ZNF521: variants seen among roughly 807,000 people sequenced by gnomAD.
The protein encoded by ZNF521 is LYST-interacting protein 3.
In ZNF521, 14 loss-of-function variants were observed where a neutral mutation model predicts 105.5. The ratio of observed to expected loss-of-function variants is 0.13; its 90% CI spans 0.09 to 0.21. The LOEUF (loss-of-function observed/expected upper bound fraction) is 0.21, where lower values mean the gene tolerates loss of function less well. Ranked by LOEUF, ZNF521 falls within the 10% of genes least tolerant of loss-of-function variation. The pLI is 1.00. For synonymous variants in ZNF521, 635 were observed against 606.0 expected, an observed-to-expected ratio of 1.05 and a Z score of -0.70; for missense variants, 1,233 against 1,629.7, an observed-to-expected ratio of 0.76 and a Z score of 4.19.
chr18:25,253,311 G>A (rs769176063), intron 3 of ZNF521, among the ~76,000 whole-genome samples: 5 of 152,110 alleles, frequency 3.3e-5, no homozygotes, highest in Admixed American at 2.6e-4. Context: ...CTTAACCCCT[G>A]AAGTACAAAT....
intron 7 of ZNF521, among the ~76,000 whole-genome samples, chr18:25,087,640 T>G (rs1376782905): frequency 6.6e-6 from 1 of 152,230 alleles, no homozygotes; most frequent in Non-Finnish European, 1.5e-5. Flanking sequence ...TCAAAATGAC[T>G]TATGCTTTGA....
intron 3 of ZNF521, among the ~76,000 whole-genome samples, chr18:25,301,674 G>T (rs1027987978): frequency 2.0e-5 from 3 of 152,210 alleles, no homozygotes; most frequent in African/African-American, 7.2e-5. Flanking sequence ...TTCCTTCTTA[G>T]AAATTACCAG....
chr18:25,230,917 G>T (rs971481152), intron 3 of ZNF521, among the ~76,000 whole-genome samples: 5 of 152,132 alleles, frequency 3.3e-5, no homozygotes, highest in Admixed American at 3.3e-4. Context: ...AACTGTACTT[G>T]CTGAGTTTCA....
intron 7 of ZNF521, among the ~76,000 whole-genome samples, chr18:25,063,242 C>T (rs1438888751): frequency 6.6e-6 from 1 of 152,192 alleles, no homozygotes; most frequent in Non-Finnish European, 1.5e-5. Flanking sequence ...GAGACTGTAA[C>T]ATCTTGACAA....
At chr18:25,092,745 C>T (rs961861129) in intron 5 of ZNF521, among the ~76,000 whole-genome samples, 1 of 152,158 alleles carries the variant, frequency 6.6e-6, no homozygotes, top group African/African-American at 2.4e-5. Context: ...GACCTCCAGG[C>T]TCACTTGACT....
intron 3 of ZNF521, among the ~76,000 whole-genome samples, chr18:25,233,203 ATT>A (rs1379632078): frequency 1.3e-5 from 2 of 152,180 alleles, no homozygotes; most frequent in East Asian, 3.8e-4. Flanking sequence ...TAAAGCAATG[ATT>A]TAAATTGCTA....
At chr18:25,260,297 T>C (rs1908818226) in intron 3 of ZNF521, among the ~76,000 whole-genome samples, 1 of 152,142 alleles carries the variant, frequency 6.6e-6, no homozygotes, top group South Asian at 2.1e-4. Context: ...CTACCTCTCC[T>C]AAGGTTGGCC....
chr18:25,153,367 C>A (rs773913320), intron 5 of ZNF521, among the ~76,000 whole-genome samples: 1 of 152,178 alleles, frequency 6.6e-6, no homozygotes, highest in Non-Finnish European at 1.5e-5. Context: ...CATGGGGAAG[C>A]CTGTTCTACC....
intron 3 of ZNF521, among the ~76,000 whole-genome samples, chr18:25,278,314 C>T (rs945520410): frequency 2.6e-5 from 4 of 152,140 alleles, no homozygotes; most frequent in African/African-American, 9.7e-5. Flanking sequence ...TGCCTCAGCA[C>T]ATGACAAAGA....
chr18:25,235,996 T>C (rs1452887054), intron 3 of ZNF521, among the ~76,000 whole-genome samples: 1 of 152,212 alleles, frequency 6.6e-6, no homozygotes, highest in Admixed American at 6.5e-5. Flanking sequence ...TGGACATACA[T>C]GTGTCTAACA....
At chr18:25,239,652 A>C (rs1203137466) in intron 3 of ZNF521, among the ~76,000 whole-genome samples, 1 of 152,210 alleles carries the variant, frequency 6.6e-6, no homozygotes, top group African/African-American at 2.4e-5. Context: ...AAATGCCTCA[A>C]GTTTGGACCT....
chr18:25,293,158 T>C (rs1459327459), intron 3 of ZNF521, among the ~76,000 whole-genome samples: 1 of 152,212 alleles, frequency 6.6e-6, no homozygotes, highest in Non-Finnish European at 1.5e-5. Flanking sequence ...GATACCCTGT[T>C]GCTTAGTGAT....
chr18:25,226,627 C>T lies in ZNF521; in HGVS notation c.1291G>A (p.Asp431Asn). The change falls in exon 4 of 8, where the codon GAT becomes AAT. Residue 431 changes from aspartate to asparagine, a missense_variant. Around this residue, in one of 6 missense-constraint regions of ZNF521, gnomAD observed 380 missense variants for 478.0 expected, o/e 0.80. Transcript: ENST00000361524. This position sits in a 1 kb window ranked among gnomAD's most constrained non-coding sequence, Gnocchi z 4.1. Reference protein sequence around the residue: ...LQIHLKTMHLDKPEQAHICQY... With the variant: ...LQIHLKTMHLNKPEQAHICQY... ...CAAATATGGGCCTGTTCTGGCTTAT[C>T]TAAGTGCATAGTTTTCAGGTGAATC... is the stretch of plus-strand genomic sequence containing the variant. 1.2e-6 allele frequency: 2 copies of T among 1,614,160 alleles called. No homozygotes were observed. The highest frequency in any genetic ancestry group is 1.7e-6 in the Non-Finnish European group (2 of 1,180,026).
chr18:25,312,756 A>C (rs1376984502), intron 3 of ZNF521, among the ~76,000 whole-genome samples: 1 of 112,220 alleles, frequency 8.9e-6, no homozygotes, highest in Non-Finnish European at 1.9e-5. Context: ...GCTTGCAGTG[A>C]GCCGAGATTG....
At chr18:25,173,406 C>T (rs1185228182) in intron 5 of ZNF521, among the ~76,000 whole-genome samples, 1 of 152,174 alleles carries the variant, frequency 6.6e-6, no homozygotes, top group Non-Finnish European at 1.5e-5. Flanking sequence ...GCCTTTCTCC[C>T]CTCCAATCCC....
At chr18:25,236,918 T>C (rs911617249) in intron 3 of ZNF521, among the ~76,000 whole-genome samples, 4 of 152,242 alleles carry the variant, frequency 2.6e-5, no homozygotes, top group Non-Finnish European at 5.9e-5. Flanking sequence ...TTTAAATTTA[T>C]AATTTTGCTA....
intron 7 of ZNF521, among the ~76,000 whole-genome samples, chr18:25,070,507 C>T (rs2144121457): frequency 6.6e-6 from 1 of 152,282 alleles, no homozygotes; most frequent in South Asian, 2.1e-4. Flanking sequence ...AAACACATCC[C>T]ATTCACTTGC....
chr18:25,224,635 C>T lies in ZNF521; in HGVS notation c.3283G>A (p.Gly1095Ser), dbSNP rs748944626. ...GCGCTCTTACTGAGATTCACGCAGC[C>T]GGCACACAGACCATATGGCAGGCCA... ...INGLPYGLCA[G>S]CVNLSKSASP... Residue 1095 changes from glycine (G) to serine (S), a missense_variant, in exon 4 of 8, where the codon GGC becomes AGC. Transcript: ENST00000361524. 12 of 1,614,052 alleles carry T rather than the reference C, an allele frequency of 7.4e-6. No individual in the cohort carries two copies. Among genetic ancestry groups the T allele is most frequent in the East Asian group, 2.2e-5 (1 of 44,866 alleles).
At chr18:25,089,289 C>A in intron 7 of ZNF521, among the ~76,000 whole-genome samples, 176 bp downstream of exon 7, 1 of 152,212 alleles carries the variant, frequency 6.6e-6, no homozygotes, top group Non-Finnish European at 1.5e-5. Context: ...CAGCCAGAGG[C>A]AAAATTACTT....
Sources: allele counts gnomAD v4.1 joint callset (sites outside exome capture counted in the v4.1 genomes callset), GRCh38; gene constraint gnomAD v4.1.1; regional missense constraint gnomAD v4.1.1; non-coding constraint Gnocchi (gnomAD v3.1); transcripts MANE v1.5; gene names NCBI Gene and HGNC (gene_info 2026-07-23, HGNC 2026-07-21).